Variants in SCN3A observed in about 807,000 individuals in gnomAD.
The protein encoded by SCN3A is sodium channel protein type 3 subunit alpha.
SCN3A carries 60 observed loss-of-function variants against 187.6 expected under a neutral mutation model. The ratio of observed to expected loss-of-function variants is 0.32; its 90% CI spans 0.26 to 0.40. The LOEUF is 0.40. Ranked by LOEUF, SCN3A falls within the 10% of genes least tolerant of loss-of-function variation. SCN3A has a pLI of 1.00. For missense variants in SCN3A, 1,601 were observed against 2,428.2 expected, an observed-to-expected ratio of 0.66 and a Z score of 7.16; for synonymous variants, 788 against 829.2, an observed-to-expected ratio of 0.95 and a Z score of 0.85.
intron 18 of SCN3A, among the ~76,000 whole-genome samples, chr2:165,120,580 G>A (rs1053021018): frequency 6.6e-6 from 1 of 151,850 alleles, no homozygotes; most frequent in Non-Finnish European, 1.5e-5. Context: ...ATTACAGATT[G>A]CCTTTAAAAT....
At chr2:165,144,042 G>C (rs550685478) in intron 12 of SCN3A, among the ~76,000 whole-genome samples, 4 of 152,270 alleles carry the variant, frequency 2.6e-5, no homozygotes, top group African/African-American at 9.6e-5. Context: ...AATAACATTT[G>C]TAATTTATGT....
Position 165,138,018 on chromosome 2 carries a change from T to C in SCN3A, c.2252A>G (p.His751Arg), listed in dbSNP as rs753117449. 14 of 1,613,484 alleles carry C rather than the reference T, an allele frequency of 8.7e-6. No individual in the cohort carries two copies. The highest frequency in any genetic ancestry group is 3.3e-5 in the Admixed American group (2 of 59,944). Reference protein sequence around the residue: ...DCCDAWLKVKHLVNLIVMDPF... With the variant: ...DCCDAWLKVKRLVNLIVMDPF... ...ATCCATAACAATTAAATTCACAAGA[T>C]GTTTTACTTTTAACCATGCATCACA... The change falls in exon 15 of 28, where the codon CAT (histidine) becomes CGT (arginine). Residue 751 changes from histidine to arginine, a missense_variant. His to Arg is a conservative substitution (Grantham distance 29). Transcript: ENST00000283254.
intron 11 of SCN3A, among the ~76,000 whole-genome samples, chr2:165,149,010 C>T (rs1383369972): frequency 6.6e-6 from 1 of 152,038 alleles, no homozygotes; most frequent in Non-Finnish European, 1.5e-5. Context: ...TATACCCTTT[C>T]TTATCCAAAT....
intron 2 of SCN3A, among the ~76,000 whole-genome samples, chr2:165,184,697 A>G: frequency 6.6e-6 from 1 of 152,160 alleles, no homozygotes; most frequent in African/African-American, 2.4e-5. Context: ...GAGATAAAGC[A>G]AACAGGAATG....
chr2:165,176,648 C>T (rs1169476930), intron 2 of SCN3A, among the ~76,000 whole-genome samples: 1 of 152,062 alleles, frequency 6.6e-6, no homozygotes, highest in Non-Finnish European at 1.5e-5. Context: ...TATCAAAAGT[C>T]TGTACTTAAT....
At chr2:165,099,999 C>T (rs1372785847) in intron 22 of SCN3A, among the ~76,000 whole-genome samples, 1 of 152,100 alleles carries the variant, frequency 6.6e-6, no homozygotes, top group Non-Finnish European at 1.5e-5. Context: ...GTAGTCATTT[C>T]AAGGGGTGTA....
intron 5 of SCN3A, among the ~76,000 whole-genome samples, chr2:165,165,748 A>G (rs1441409562): frequency 6.6e-6 from 1 of 152,208 alleles, no homozygotes; most frequent in Non-Finnish European, 1.5e-5. Flanking sequence ...TGTTAGGATC[A>G]TTATTTTGAA....
Position 165,139,661 on chromosome 2 carries a change from C to T in SCN3A, c.2020-53G>A, listed in dbSNP as rs114386318. 1.4e-3 allele frequency: 2,192 copies of T among 1,606,600 alleles called. 32 individuals are homozygous for T. In the African/African-American group the frequency reaches 0.026, roughly 19 times the overall value. On this transcript the variant is annotated intron_variant, in intron 13 of 27. Coordinates refer to ENST00000283254, the MANE Select transcript of SCN3A (RefSeq NM_006922.4). The stretch of plus-strand genomic sequence containing the variant: ...CCACTCTTCCCAATAAGTAATACAA[C>T]ACCACATAGCATTTCTTTGGCAAAT...
At chr2:165,186,210 C>T (rs779888330) in intron 2 of SCN3A, among the ~76,000 whole-genome samples, 141 of 152,018 alleles carry the variant, frequency 9.3e-4, no homozygotes, top group Non-Finnish European at 1.7e-3. Flanking sequence ...GCAGAGCTTG[C>T]GGTGAGCGAA....
chr2:165,149,456 C>T (rs796644339), intron 11 of SCN3A, among the ~76,000 whole-genome samples: 3 of 152,082 alleles, frequency 2.0e-5, no homozygotes, highest in African/African-American at 7.2e-5. Context: ...ATTACAGGCG[C>T]GAGCCACCGC....
intron 10 of SCN3A, among the ~76,000 whole-genome samples, chr2:165,155,206 C>G (rs572269569): frequency 1.3e-5 from 2 of 152,252 alleles, no homozygotes; most frequent in African/African-American, 2.4e-5. Context: ...AGCAGAATGC[C>G]TTTCACATAA....
Position 165,097,450 on chromosome 2 carries a change from C to T in SCN3A, c.4041G>A (p.Leu1347=), listed in dbSNP as rs140870175. 7 of 1,613,940 alleles carry T rather than the reference C, an allele frequency of 4.3e-6. No homozygotes were observed. The African/African-American group carries it at 9.3e-5, about 22-fold the overall frequency. The change falls in exon 23 of 28, where the codon TTG becomes TTA. Residue 1347 remains leucine (L), a synonymous_variant. Coordinates refer to ENST00000283254, the MANE Select transcript of SCN3A (RefSeq NM_006922.4). ...AATTCACACCCATGATGCTAAAGAT[C>T]AACCAGAAGATGAGACAGACCAACA... is the stretch of plus-strand genomic sequence containing the variant. The part of the protein sequence containing the change: ...NVLLVCLIFW[L]IFSIMGVNLF...
Position 165,168,970 on chromosome 2 carries a change from C to G in SCN3A, c.384-145G>C, listed in dbSNP as rs1312878414. 4.7e-6 allele frequency: 3 copies of G among 639,744 alleles called. No individual in the cohort carries two copies. In the African/African-American group the frequency reaches 5.5e-5, roughly 12 times the overall value. 39.6% of individuals were successfully genotyped at this position (639,744 alleles called of 1,614,324 possible). A position where few individuals can be genotyped will look rare whatever the true frequency, so the allele number is the denominator to read the frequency against. Reference sequence around the variant, plus strand: ...ACAATGATAAAATAATAAGAAACTTCAAAGCCTGTGATATGGCCTTGGTGC... The same window carrying G: ...ACAATGATAAAATAATAAGAAACTTGAAAGCCTGTGATATGGCCTTGGTGC... On this transcript the variant is annotated intron_variant, in intron 4 of 27. Transcript: ENST00000283254.
intron 11 of SCN3A, among the ~76,000 whole-genome samples, chr2:165,149,298 C>T (rs1160652133): frequency 6.6e-6 from 1 of 151,952 alleles, no homozygotes; most frequent in African/African-American, 2.4e-5. Flanking sequence ...CCTCAGCCCC[C>T]TGAGTAGCTA....
intron 27 of SCN3A, 78 bp from the exon 28 acceptor site, chr2:165,091,423 G>T: frequency 6.5e-7 from 1 of 1,544,372 alleles, no homozygotes. Context: ...TAAGGTCTAT[G>T]AACACAACAA....
intron 19 of SCN3A, 143 bp from the exon 20 acceptor site, chr2:165,114,113 A>G: frequency 1.7e-6 from 1 of 574,100 alleles, no homozygotes; most frequent in Non-Finnish European, 3.0e-6. Context: ...TATCGTCAGC[A>G]TCCCTCCTGT....
At chr2:165,173,755 C>T (rs776945070) in intron 3 of SCN3A, among the ~76,000 whole-genome samples, 8 of 152,144 alleles carry the variant, frequency 5.3e-5, no homozygotes, top group Non-Finnish European at 8.8e-5. Flanking sequence ...TAGCTTCTTA[C>T]TTTACTCCTT....
intron 13 of SCN3A, 62 bp from the exon 14 acceptor site, chr2:165,139,670 G>T: frequency 6.3e-7 from 1 of 1,598,774 alleles, no homozygotes; most frequent in Non-Finnish European, 8.6e-7. Flanking sequence ...ACACCACATA[G>T]CATTTCTTTG....
Position 165,148,665 on chromosome 2 carries a change from G to A in SCN3A, c.1381-1636C>T, listed in dbSNP as rs890248654. On this transcript the variant is annotated intron_variant, in intron 11 of 27. Coordinates refer to ENST00000283254, the MANE Select transcript of SCN3A (RefSeq NM_006922.4). ...AATGTAACATATTTATTTATATTAAGCACTATATTCATAATGGAAGCTCAA... is the reference window on the plus strand; with the variant it reads ...AATGTAACATATTTATTTATATTAAACACTATATTCATAATGGAAGCTCAA... 1.3e-4 allele frequency among the ~76,000 whole-genome samples: 20 copies of A among 151,932 alleles called. No homozygotes were observed. In the East Asian group the frequency reaches 3.1e-3, roughly 24 times the overall value.
Sources: gnomAD v4.1 joint callset for allele counts (sites outside exome capture counted in the v4.1 genomes callset) on GRCh38, gnomAD v4.1.1 for gene constraint, MANE v1.5 for transcripts, NCBI Gene and HGNC (gene_info 2026-07-23, HGNC 2026-07-21) for gene names.